The following ANKS1A variants were observed in gnomAD, a reference collection of about 807,000 sequenced individuals.
ANKS1A encodes the protein ankyrin repeat and sterile alpha motif domain containing 1A.
Under a neutral mutation model 120.3 loss-of-function variants are expected in ANKS1A, and 55 were observed. The ratio of observed to expected loss-of-function variants is 0.46; its 90% CI spans 0.37 to 0.57. The LOEUF is 0.57. Ranked by LOEUF, ANKS1A falls within the 20% of genes least tolerant of loss-of-function variation. The probability of loss-of-function intolerance (pLI) is 0.00; values close to 1 mark genes in which losing one functional copy is unlikely to be tolerated. For synonymous variants in ANKS1A, 590 were observed against 604.7 expected (o/e 0.98, Z 0.36); for missense variants, 1,123 against 1,480.3 (o/e 0.76, Z 3.96).
chr6:35,022,792 C>T (rs963833579), intron 11 of ANKS1A, among the ~76,000 whole-genome samples: 9 of 152,186 alleles, frequency 5.9e-5, no homozygotes, highest in African/African-American at 1.4e-4. Context: ...TATCCAAATT[C>T]GGAGTCTTAG....
chr6:34,903,074 C>T (rs986709068), intron 1 of ANKS1A, among the ~76,000 whole-genome samples: 2 of 152,112 alleles, frequency 1.3e-5, no homozygotes, highest in African/African-American at 4.8e-5. Context: ...GAGAGGAATG[C>T]ATTATACCAA....
intron 8 of ANKS1A, among the ~76,000 whole-genome samples, chr6:34,987,840 G>A (rs955849132): frequency 6.6e-6 from 1 of 152,220 alleles, no homozygotes; most frequent in Non-Finnish European, 1.5e-5. Flanking sequence ...AAATACTCCT[G>A]TTTTAACAAC....
intron 1 of ANKS1A, among the ~76,000 whole-genome samples, chr6:34,924,337 A>G (rs895775916): frequency 1.3e-5 from 2 of 152,130 alleles, no homozygotes; most frequent in Non-Finnish European, 2.9e-5. Flanking sequence ...TCCTCATAAA[A>G]AAGTTGAAGA....
At chr6:35,006,526 G>A (rs932252433) in intron 10 of ANKS1A, among the ~76,000 whole-genome samples, 4 of 152,036 alleles carry the variant, frequency 2.6e-5, no homozygotes, top group South Asian at 2.1e-4. Flanking sequence ...AGGCCGAGGC[G>A]GGTGGATCAG....
chr6:34,960,984 A>C (rs1415813455), intron 1 of ANKS1A, among the ~76,000 whole-genome samples: 1 of 152,224 alleles, frequency 6.6e-6, no homozygotes, highest in Non-Finnish European at 1.5e-5. Context: ...CTCCTAACTT[A>C]GGTTCCATAG....
At chr6:35,018,132 GC>G (rs1774144076) in intron 11 of ANKS1A, 73 bp downstream of exon 11, 4 of 1,458,882 alleles carry the variant, frequency 2.7e-6, no homozygotes, top group Non-Finnish European at 3.7e-6. Flanking sequence ...TCCCGTGAGT[GC>G]CAACTCTCAG....
rs770335559 is a variant in ANKS1A, at chr6:34,985,153, G to A, written c.1084G>A (p.Glu362Lys). ...DANAEEEGPY[E>K]ALYNAISCHS... ...AAATGCTGAAGAAGAGGGTCCCTAC[G>A]AAGCTCTGTATAATGCCATCTCCTG... Residue 362 changes from glutamate (E) to lysine (K), a missense_variant, in exon 8 of 24, where the codon GAA (glutamate) becomes AAA (lysine). Transcript: ENST00000360359. The A allele has an allele frequency of 8.1e-6, 13 of 1,614,166 alleles. No individual in the cohort carries two copies. The highest frequency in any genetic ancestry group is 2.2e-5 in the South Asian group (2 of 91,086).
In ANKS1A at chr6:34,985,123, G is replaced by A; in HGVS notation, c.1054G>A (p.Asp352Asn). The A allele has an allele frequency of 6.2e-7, 1 of 1,614,118 alleles. No homozygotes were observed. Among genetic ancestry groups the A allele is most frequent in the South Asian group, 1.1e-5 (1 of 91,076 alleles). The change falls in exon 8 of 24, where the codon GAT becomes AAT. Residue 352 changes from aspartate (D) to asparagine (N), a missense_variant. Physicochemically the swap from Asp to Asn is conservative, Grantham distance 23. Around this residue, in one of 3 missense-constraint regions of ANKS1A, gnomAD observed 904 missense variants for 1,130.4 expected, o/e 0.80. Transcript: ENST00000360359. ...KAVTELIIDF[D>N]ANAEEEGPYE... Reference sequence around the variant, plus strand: ...AGTGACTGAACTGATTATAGATTTTGATGCAAATGCTGAAGAAGAGGGTCC... The same window carrying A: ...AGTGACTGAACTGATTATAGATTTTAATGCAAATGCTGAAGAAGAGGGTCC...
chr6:34,911,036 A>G (rs1190961379), intron 1 of ANKS1A, among the ~76,000 whole-genome samples: 3 of 152,218 alleles, frequency 2.0e-5, no homozygotes, highest in Non-Finnish European at 2.9e-5. Context: ...TTCATTTTAG[A>G]ACAGCTCCAT....
intron 13 of ANKS1A, among the ~76,000 whole-genome samples, chr6:35,071,558 C>A (rs1369132022): frequency 6.6e-6 from 1 of 152,000 alleles, no homozygotes; most frequent in Non-Finnish European, 1.5e-5. Context: ...TGGCCTGAAC[C>A]TGTTTTTCAG....
At chr6:34,989,103 G>A in intron 8 of ANKS1A, 121 bp from the exon 9 acceptor site, 1 of 762,092 alleles carries the variant, frequency 1.3e-6, no homozygotes, top group Non-Finnish European at 2.1e-6. Context: ...CTTGACTTTA[G>A]TCTCTCAGGG....
At chr6:34,953,112 G>T (rs1158778669) in intron 1 of ANKS1A, among the ~76,000 whole-genome samples, 1 of 151,758 alleles carries the variant, frequency 6.6e-6, no homozygotes, top group Admixed American at 6.6e-5. Flanking sequence ...TTTCTTACCT[G>T]TTGAGTTCTC....
intron 1 of ANKS1A, among the ~76,000 whole-genome samples, chr6:34,932,385 G>T (rs992719427): frequency 6.6e-6 from 1 of 152,168 alleles, no homozygotes; most frequent in African/African-American, 2.4e-5. Context: ...GTTTCACCGT[G>T]TTGGCCAGGC....
chr6:34,957,343 G>C (rs184238957), intron 1 of ANKS1A, among the ~76,000 whole-genome samples: 1 of 152,278 alleles, frequency 6.6e-6, no homozygotes, highest in Admixed American at 6.5e-5. Context: ...TAGACTCCTT[G>C]TATCTCTCCT....
rs377335108 is a variant in ANKS1A at position 35,088,492 on chromosome 6, G to A, written c.3402-114G>A. On this transcript the variant is annotated intron_variant, in intron 23 of 23. Coordinates refer to ENST00000360359, the MANE Select transcript of ANKS1A (RefSeq NM_015245.3). ...TCAAAGCAGGCATGGAGGGTGCCCC[G>A]GGGAGGCTGTGAGGGATCGTCTGTC... 159 of 1,381,206 alleles carry A rather than the reference G, an allele frequency of 1.2e-4. 1 individual carries two copies. Among genetic ancestry groups the A allele is most frequent in the Non-Finnish European group, 1.4e-4 (139 of 968,986 alleles). 85.6% of individuals were successfully genotyped at this position (1,381,206 alleles called of 1,614,324 possible).
chr6:34,979,347 C>G lies in ANKS1A; in HGVS notation c.436-2343C>G, dbSNP rs1255635678. 2.0e-5 allele frequency among the ~76,000 whole-genome samples: 3 copies of G among 152,242 alleles called. No homozygotes were observed. The East Asian group carries it at 5.8e-4, about 29-fold the overall frequency. ...TTGTGTCAGTGATGGATGTGGTCAC[C>G]ACAGATATAATAAACTTGGGTATTA... On this transcript the variant is annotated intron_variant, in intron 3 of 23. Transcript: ENST00000360359.
Position 35,017,889 on chromosome 6 carries a change from A to G in ANKS1A, c.1840A>G (p.Lys614Glu). Residue 614 changes from lysine to glutamate, a missense_variant, in exon 11 of 24, where the codon AAA (lysine) becomes GAA (glutamate). Coordinates refer to ENST00000360359, the MANE Select transcript of ANKS1A (RefSeq NM_015245.3). ...RSRAPPTSKP[K>E]AELKLSRSLS... ...CCGAGCGCCTCCCACTAGCAAACCC[A>G]AAGCTGAACTCAAACTCAGCCGCAG... The G allele has an allele frequency of 6.2e-7, 1 of 1,614,152 alleles. No individual in the cohort carries two copies. The highest frequency in any genetic ancestry group is 8.5e-7 in the Non-Finnish European group (1 of 1,180,012).
intron 10 of ANKS1A, among the ~76,000 whole-genome samples, chr6:35,016,096 A>G (rs1430916007): frequency 6.6e-6 from 1 of 152,232 alleles, no homozygotes; most frequent in African/African-American, 2.4e-5. Context: ...TTTAAGTATC[A>G]TGCAGCCCAG....
At chr6:35,042,223 A>C (rs772910157) in intron 11 of ANKS1A, among the ~76,000 whole-genome samples, 1 of 152,180 alleles carries the variant, frequency 6.6e-6, no homozygotes, top group Non-Finnish European at 1.5e-5. Flanking sequence ...CATGGGGCTG[A>C]TGTAAGAGGA....
Sources: gnomAD v4.1 joint callset for allele counts (sites outside exome capture counted in the v4.1 genomes callset) on GRCh38, gnomAD v4.1.1 for gene constraint, gnomAD v4.1.1 regional missense constraint, MANE v1.5 for transcripts, NCBI Gene and HGNC (gene_info 2026-07-23, HGNC 2026-07-21) for gene names.